Variants in ZNF729 observed in about 807,000 individuals in gnomAD.
ZNF729 encodes zinc finger protein 729.
ZNF729 carries 15 observed loss-of-function variants against 12.2 expected under a neutral mutation model. That is an observed-to-expected ratio of 1.23 (90% CI 0.82 to 1.89). The LOEUF is 1.89. Among genes scored for constraint, ZNF729 ranks in the 40% most tolerant of loss-of-function variants. The pLI is 0.00. For missense variants in ZNF729, 1,540 were observed against 1,456.7 expected, an observed-to-expected ratio of 1.06 and a Z score of -0.93; for synonymous variants, 492 against 476.3, an observed-to-expected ratio of 1.03 and a Z score of -0.43.
chr19:22,295,690 G>C (rs115575898), intron 1 of ZNF729, among the ~76,000 whole-genome samples: 3,347 of 152,250 alleles, frequency 0.022, 109 homozygotes, highest in African/African-American at 0.077. Context: ...GTGAGCCACC[G>C]CGCCCAGTCG....
At chr19:22,289,646 A>G (rs888378026) in intron 1 of ZNF729, among the ~76,000 whole-genome samples, 1 of 152,170 alleles carries the variant, frequency 6.6e-6, no homozygotes, top group Admixed American at 6.6e-5. Flanking sequence ...AGGGAAAAAA[A>G]TAGGAAAAAT....
chr19:22,306,749 A>T (rs1455530827), intron 3 of ZNF729, among the ~76,000 whole-genome samples: 1 of 150,450 alleles, frequency 6.6e-6, no homozygotes, highest in Non-Finnish European at 1.5e-5. Context: ...ATTATAAATT[A>T]TTTCATATTG....
intron 1 of ZNF729, among the ~76,000 whole-genome samples, chr19:22,296,699 A>G (rs1258063117): frequency 2.6e-5 from 4 of 151,978 alleles, no homozygotes; most frequent in African/African-American, 4.8e-5. Flanking sequence ...TTATGATGTT[A>G]GGTTGTTAAA....
At chr19:22,294,908 C>T (rs539782118) in intron 1 of ZNF729, among the ~76,000 whole-genome samples, 10 of 151,978 alleles carry the variant, frequency 6.6e-5, no homozygotes, top group Admixed American at 5.2e-4. Context: ...CCACCCGGCT[C>T]GGCTTCCCAA....
At chr19:22,298,887 C>T (rs544811695) in intron 1 of ZNF729, 1 of 152,260 alleles carries the variant, frequency 6.6e-6, no homozygotes, top group Non-Finnish European at 1.5e-5. Context: ...ATGATGTGGC[C>T]ACCGCAAAAC....
intron 1 of ZNF729, among the ~76,000 whole-genome samples, chr19:22,300,193 A>G (rs1171259985): frequency 2.6e-5 from 4 of 152,224 alleles, no homozygotes; most frequent in Admixed American, 2.6e-4. Flanking sequence ...GTCATTGAAC[A>G]TAACTGATTA....
At chr19:22,304,399 C>G (rs763007700) in intron 2 of ZNF729, among the ~76,000 whole-genome samples, 1 of 152,094 alleles carries the variant, frequency 6.6e-6, no homozygotes, top group Non-Finnish European at 1.5e-5. Flanking sequence ...CTGAGCAGAT[C>G]TGTATTTTTC....
At chr19:22,287,932 G>T (rs1440637322) in intron 1 of ZNF729, among the ~76,000 whole-genome samples, 2 of 148,222 alleles carry the variant, frequency 1.3e-5, no homozygotes, top group South Asian at 4.3e-4. Flanking sequence ...CACAACCTCC[G>T]CCTTCCGGGT....
chr19:22,302,466 A>G (rs537578340), intron 1 of ZNF729, among the ~76,000 whole-genome samples: 3 of 4,962 alleles, frequency 6.0e-4, no homozygotes, highest in Admixed American at 1.7e-3. Flanking sequence ...GTTTATTTCT[A>G]TTTATTTTAC....
intron 1 of ZNF729, among the ~76,000 whole-genome samples, chr19:22,287,263 GA>G (rs981051640): frequency 2.0e-5 from 3 of 151,148 alleles, no homozygotes; most frequent in African/African-American, 4.9e-5. Flanking sequence ...ACTTGAATTA[GA>G]TTTTTTTTTT....
intron 3 of ZNF729, among the ~76,000 whole-genome samples, chr19:22,309,413 C>T (rs1040892596): frequency 1.3e-5 from 2 of 152,052 alleles, no homozygotes; most frequent in African/African-American, 4.8e-5. Flanking sequence ...CCACTGCACT[C>T]TAGCCTGATC....
At position 22,314,662 on chromosome 19, in the gene ZNF729, G is replaced by C. The variant is rs201496726; in HGVS notation, c.1245G>C (p.Gln415His). 18 of 1,607,310 alleles carry C rather than the reference G, an allele frequency of 1.1e-5. No individual in the cohort carries two copies. The highest frequency in any genetic ancestry group is 1.3e-5 in the Non-Finnish European group (15 of 1,178,032). ...KCEECGKAFS[Q>H]FSTLKKHKII... ...AAGAATGTGGCAAAGCTTTTAGCCA[G>C]TTCTCAACCCTTAAAAAACATAAGA... The change falls in exon 4 of 4, where the codon CAG (glutamine) becomes CAC (histidine). Residue 415 changes from glutamine (Q) to histidine (H), a missense_variant. Gln to His is a conservative substitution (Grantham distance 24). Coordinates refer to ENST00000601693, the MANE Select transcript of ZNF729 (RefSeq NM_001242680.2).
Position 22,316,956 on chromosome 19 carries a change from C to G in ZNF729, c.3539C>G (p.Thr1180Arg). Residue 1180 changes from threonine (T) to arginine (R), a missense_variant, in exon 4 of 4, where the codon ACA becomes AGA. Physicochemically the swap from Thr to Arg is moderately conservative, Grantham distance 71. Transcript: ENST00000601693. Reference protein sequence around the residue: ...NQSSHLTRHKTIHTGEKPYKC... With the variant: ...NQSSHLTRHKRIHTGEKPYKC... The stretch of plus-strand genomic sequence containing the variant: ...TCCTCACACCTTACTAGACACAAAA[C>G]AATTCATACTGGAGAGAAACCCTAC... 1 of 1,607,104 alleles carries G rather than the reference C, an allele frequency of 6.2e-7. No individual in the cohort carries two copies. The highest frequency in any genetic ancestry group is 8.5e-7 in the Non-Finnish European group (1 of 1,177,860).
chr19:22,288,842 G>A (rs1968115016), intron 1 of ZNF729, among the ~76,000 whole-genome samples: 1 of 151,940 alleles, frequency 6.6e-6, no homozygotes, highest in Non-Finnish European at 1.5e-5. Context: ...AAAATAGTGC[G>A]AATCTTTGAA....
rs777377001 is a variant in ZNF729 at position 22,316,739 on chromosome 19, G to A, written c.3322G>A (p.Glu1108Lys). The change falls in exon 4 of 4, where the codon GAA (glutamate) becomes AAA (lysine). Residue 1108 changes from glutamate (E) to lysine (K), a missense_variant. By Grantham distance (56) the Glu-to-Lys change is moderately conservative (BLOSUM62 1). Transcript: ENST00000601693. ...TGGAAAGAAACCCTACCAATGTGAC[G>A]AATGTGGCAAAGCTTTTAACAATTC... ...HTGKKPYQCD[E>K]CGKAFNNSST... 7.6e-5 allele frequency: 123 copies of A among 1,612,520 alleles called. No individual in the cohort carries two copies. The highest frequency in any genetic ancestry group is 4.7e-4 in the African/African-American group (35 of 74,812).
chr19:22,295,396 T>TC (rs1304519344), intron 1 of ZNF729, among the ~76,000 whole-genome samples: 3 of 145,318 alleles, frequency 2.1e-5, no homozygotes, highest in African/African-American at 8.3e-5. Context: ...TTTCTTTTTT[T>TC]TTTTTTTTTT....
chr19:22,312,747 CTTT>C (rs1226499830), intron 3 of ZNF729, among the ~76,000 whole-genome samples: 1 of 152,232 alleles, frequency 6.6e-6, no homozygotes, highest in Admixed American at 6.5e-5. Flanking sequence ...GAGTTTCACT[CTTT>C]TTGCCCAGGC....
chr19:22,297,446 G>A (rs1968242974), intron 1 of ZNF729, among the ~76,000 whole-genome samples: 1 of 150,740 alleles, frequency 6.6e-6, no homozygotes, highest in African/African-American at 2.4e-5. Context: ...AGAAATAAGA[G>A]GATTTATTCT....
chr19:22,294,715 G>T (rs1280620425), intron 1 of ZNF729, among the ~76,000 whole-genome samples: 4 of 137,114 alleles, frequency 2.9e-5, no homozygotes, highest in Non-Finnish European at 6.1e-5. Context: ...GGAGTGCAAT[G>T]GCACAGTCTT....
Sources: allele counts gnomAD v4.1 joint callset (sites outside exome capture counted in the v4.1 genomes callset), GRCh38; gene constraint gnomAD v4.1.1; transcripts MANE v1.5; gene names NCBI Gene and HGNC (gene_info 2026-07-23, HGNC 2026-07-21).